The following DLG1 variants were observed in gnomAD, a reference collection of about 807,000 sequenced individuals.
The protein encoded by DLG1 is disks large homolog 1.
Under a neutral mutation model 123.4 loss-of-function variants are expected in DLG1, and 42 were observed. The ratio of observed to expected loss-of-function variants is 0.34; its 90% CI spans 0.27 to 0.44. DLG1 has a LOEUF of 0.44. Ranked by LOEUF, DLG1 falls within the 20% of genes least tolerant of loss-of-function variation. DLG1 has a pLI of 1.00. For missense variants in DLG1, 942 were observed against 1,082.6 expected, an observed-to-expected ratio of 0.87 and a Z score of 1.82; for synonymous variants, 317 against 356.2, an observed-to-expected ratio of 0.89 and a Z score of 1.24.
chr3:197,131,810 G>C (rs1199267300), intron 10 of DLG1, among the ~76,000 whole-genome samples: 4 of 151,262 alleles, frequency 2.6e-5, no homozygotes, highest in African/African-American at 9.7e-5. Flanking sequence ...AGCCGGGATG[G>C]TCTCGATCTC....
chr3:197,085,548 C>T, intron 16 of DLG1, 32 bp downstream of exon 16: 1 of 1,606,660 alleles, frequency 6.2e-7, no homozygotes, highest in South Asian at 1.1e-5. Flanking sequence ...ATTTATGTTG[C>T]CTCACATTCA....
chr3:197,206,007 TC>T (rs1262769813), intron 4 of DLG1, among the ~76,000 whole-genome samples: 1 of 152,222 alleles, frequency 6.6e-6, no homozygotes, highest in Non-Finnish European at 1.5e-5. Flanking sequence ...TAGGATAATC[TC>T]CCTATCTTAA....
chr3:197,084,103 G>T (rs529366601), intron 16 of DLG1, among the ~76,000 whole-genome samples: 2 of 152,112 alleles, frequency 1.3e-5, no homozygotes, highest in Non-Finnish European at 2.9e-5. Context: ...CGTATTACCA[G>T]ATATTTCCAA....
chr3:197,123,860 T>C (rs1271397618), intron 11 of DLG1, among the ~76,000 whole-genome samples: 1 of 152,192 alleles, frequency 6.6e-6, no homozygotes, highest in Non-Finnish European at 1.5e-5. Flanking sequence ...ACTTATACAA[T>C]GGAATAATAC....
intron 13 of DLG1, 116 bp from the exon 14 acceptor site, chr3:197,105,121 C>T: frequency 1.7e-6 from 1 of 595,968 alleles, no homozygotes; most frequent in Non-Finnish European, 2.9e-6. Context: ...AACTTTACCA[C>T]TAAAATGTTT....
chr3:197,121,823 CAA>C lies in DLG1; in HGVS notation c.1166-2295_1166-2294del, dbSNP rs71161995. Among the ~76,000 whole-genome samples, 247 of 101,976 alleles carry C rather than the reference CAA, an allele frequency of 2.4e-3. 3 individuals are homozygous for C. In the East Asian group the frequency reaches 0.041, roughly 17 times the overall value. The allele number at this position is 101,976 out of a possible 152,430, so 66.9% of individuals were successfully genotyped here. ...CTCCATCAATGCTTGACAATCACCA[CAA>C]AAAAAAAAAAAAAAAAAAATCAAAT... On this transcript the variant is annotated intron_variant, in intron 11 of 24. Transcript: ENST00000667157.
At chr3:197,195,523 T>C in intron 4 of DLG1, among the ~76,000 whole-genome samples, 1 of 152,120 alleles carries the variant, frequency 6.6e-6, no homozygotes, top group East Asian at 1.9e-4. Flanking sequence ...GTGGTACATA[T>C]ACACCACAGA....
At chr3:197,225,756 AT>A (rs1739553851) in intron 4 of DLG1, 1 of 152,680 alleles carries the variant, frequency 6.5e-6, no homozygotes, top group Admixed American at 6.5e-5. Context: ...TATTACATGA[AT>A]TAAAGTCAAT....
intron 6 of DLG1, among the ~76,000 whole-genome samples, chr3:197,145,039 G>GCTCTCT (rs35261692): frequency 0.051 from 7,476 of 146,044 alleles, 238 homozygotes; most frequent in Non-Finnish European, 0.072. Context: ...TCGCTTGCTT[G>GCTCTCT]CTCTCTCTCT....
chr3:197,268,557 C>CT (rs1325182344), intron 4 of DLG1, among the ~76,000 whole-genome samples: 1 of 151,900 alleles, frequency 6.6e-6, no homozygotes, highest in African/African-American at 2.4e-5. Context: ...GTAGCTGGGA[C>CT]TACAGGCATG....
intron 4 of DLG1, among the ~76,000 whole-genome samples, chr3:197,231,781 T>G (rs551082552): frequency 6.6e-6 from 1 of 152,058 alleles, no homozygotes; most frequent in East Asian, 1.9e-4. Flanking sequence ...AATAAAATGT[T>G]GAATGAAAAT....
At chr3:197,270,012 T>C (rs2151032267) in intron 4 of DLG1, among the ~76,000 whole-genome samples, 1 of 152,270 alleles carries the variant, frequency 6.6e-6, no homozygotes, top group South Asian at 2.1e-4. Context: ...TTTTACCAGT[T>C]CTGGGGCAAA....
intron 5 of DLG1, among the ~76,000 whole-genome samples, chr3:197,159,483 AAGAC>A (rs1561127161): frequency 6.6e-6 from 1 of 152,226 alleles, no homozygotes. Context: ...TTGAGTGGCA[AAGAC>A]AGACTAGATT....
At chr3:197,112,611 G>C (rs1451671873) in intron 13 of DLG1, among the ~76,000 whole-genome samples, 2 of 151,634 alleles carry the variant, frequency 1.3e-5, no homozygotes, top group African/African-American at 2.4e-5. Context: ...TTTTGAGACA[G>C]GGTGTTGCTC....
At chr3:197,268,684 A>T (rs1323617836) in intron 4 of DLG1, among the ~76,000 whole-genome samples, 1 of 152,074 alleles carries the variant, frequency 6.6e-6, no homozygotes, top group Non-Finnish European at 1.5e-5. Context: ...GTAATAAATT[A>T]ACCTTGGCTT....
In DLG1 at chr3:197,053,832, C is replaced by T. The variant is rs147586099; in HGVS notation, c.2484-2164G>A. ...TGGGCAAGGTGGGTATTTATTTACA[C>T]CTGGAATCCCAGCACTTTGGAAGGC... On this transcript the variant is annotated intron_variant, in intron 23 of 24. Coordinates refer to ENST00000667157, the MANE Select transcript of DLG1 (RefSeq NM_001366207.1). 2.2e-3 allele frequency among the ~76,000 whole-genome samples: 331 copies of T among 149,880 alleles called. 2 individuals are homozygous for T. Among genetic ancestry groups the T allele is most frequent in the Non-Finnish European group, 3.7e-3 (248 of 67,696 alleles).
At chr3:197,047,359 G>GA (rs199531612) in intron 24 of DLG1, among the ~76,000 whole-genome samples, 2,001 of 152,212 alleles carry the variant, frequency 0.013, 42 homozygotes, top group African/African-American at 0.043. Flanking sequence ...AAGGGTACAT[G>GA]AAACTCCCTG....
At position 197,044,711 on chromosome 3, in the gene DLG1, G is replaced by C; in HGVS notation, c.2594C>G (p.Thr865Arg). 6.2e-7 allele frequency: 1 copy of C among 1,601,792 alleles called. No individual in the cohort carries two copies. Among genetic ancestry groups the C allele is most frequent in the South Asian group, 1.1e-5 (1 of 89,960 alleles). The change falls in exon 25 of 25, where the codon ACG becomes AGG. Residue 865 changes from threonine to arginine, a missense_variant. Transcript: ENST00000667157. ...CACTTGGTTGTAAATGTCTTCCAGCGTATCCCCCTGTACAATAGCTGTAAT... is the reference window on the plus strand; with the variant it reads ...CACTTGGTTGTAAATGTCTTCCAGCCTATCCCCCTGTACAATAGCTGTAAT... ...EHFTAIVQGD[T>R]LEDIYNQVKQ...
intron 13 of DLG1, among the ~76,000 whole-genome samples, chr3:197,115,256 C>G (rs1443280602): frequency 6.6e-6 from 1 of 151,868 alleles, no homozygotes; most frequent in Non-Finnish European, 1.5e-5. Context: ...TTCCCAAAGT[C>G]TGTGTGTCAC....
Sources: allele counts gnomAD v4.1 joint callset (sites outside exome capture counted in the v4.1 genomes callset), GRCh38; gene constraint gnomAD v4.1.1; transcripts MANE v1.5; gene names NCBI Gene and HGNC (gene_info 2026-07-23, HGNC 2026-07-21).